The following MDGA2 variants were observed in gnomAD, a reference collection of about 807,000 sequenced individuals.
MDGA2 encodes the protein MAM domain-containing glycosylphosphatidylinositol anchor protein 2.
A neutral mutation model predicts 117.8 loss-of-function variants in MDGA2; 40 were observed. The ratio of observed to expected loss-of-function variants is 0.34; its 90% confidence interval spans 0.26 to 0.44. The LOEUF is 0.44. Among genes scored for constraint, MDGA2 ranks in the 20% least tolerant of loss-of-function variants. The pLI, the probability that MDGA2 is intolerant of heterozygous loss-of-function variation, is 1.00. For missense variants in MDGA2, 1,123 were observed against 1,250.6 expected (o/e 0.90, Z 1.54); for synonymous variants, 452 against 439.0 (o/e 1.03, Z -0.37).
chr14:47,535,190 T>C (rs1304568202), intron 1 of MDGA2, among the ~76,000 whole-genome samples: 1 of 152,196 alleles, frequency 6.6e-6, no homozygotes, highest in Admixed American at 6.5e-5. Flanking sequence ...TCCATTTATA[T>C]CACTTACACA....
chr14:47,347,835 A>G (rs1451215301), intron 1 of MDGA2, among the ~76,000 whole-genome samples: 1 of 152,184 alleles, frequency 6.6e-6, no homozygotes, highest in Non-Finnish European at 1.5e-5. Flanking sequence ...AATGACTGAC[A>G]TGAAATGACC....
At chr14:47,365,376 A>G (rs1449005197) in intron 1 of MDGA2, among the ~76,000 whole-genome samples, 1 of 152,252 alleles carries the variant, frequency 6.6e-6, no homozygotes, top group Non-Finnish European at 1.5e-5. Context: ...TCTTCCCACA[A>G]TAAATGAAGG....
At chr14:46,892,918 G>A (rs1161323204) in intron 10 of MDGA2, among the ~76,000 whole-genome samples, 1 of 151,924 alleles carries the variant, frequency 6.6e-6, no homozygotes, top group African/African-American at 2.4e-5. Flanking sequence ...TATGTAGATT[G>A]GTTCAGCCAT....
intron 3 of MDGA2, among the ~76,000 whole-genome samples, chr14:47,157,088 A>G (rs1184081550): frequency 6.6e-6 from 1 of 152,196 alleles, no homozygotes; most frequent in Non-Finnish European, 1.5e-5. Context: ...AATTCTGCAG[A>G]TATCAATTCA....
chr14:47,017,433 T>G (rs10484195), intron 8 of MDGA2, among the ~76,000 whole-genome samples: 1 of 151,876 alleles, frequency 6.6e-6, no homozygotes, highest in East Asian at 1.9e-4. Context: ...ATAAAATACA[T>G]TCCAATTCTA....
chr14:47,629,961 T>C (rs1897223266), intron 1 of MDGA2, among the ~76,000 whole-genome samples: 7 of 152,148 alleles, frequency 4.6e-5, no homozygotes, highest in Admixed American at 3.3e-4. Flanking sequence ...CAGGTGATAC[T>C]GATACTGCTG....
At chr14:47,383,217 G>T (rs1012805299) in intron 1 of MDGA2, among the ~76,000 whole-genome samples, 3 of 152,048 alleles carry the variant, frequency 2.0e-5, no homozygotes, top group South Asian at 2.1e-4. Flanking sequence ...GATGGGGGAG[G>T]GATAGCATTA....
intron 2 of MDGA2, among the ~76,000 whole-genome samples, chr14:47,280,815 T>C (rs1033600845): frequency 1.3e-5 from 2 of 151,740 alleles, no homozygotes; most frequent in African/African-American, 4.8e-5. Context: ...TTAAATAATT[T>C]ATTTTTATTT....
intron 6 of MDGA2, among the ~76,000 whole-genome samples, chr14:47,086,889 C>T (rs1390646254): frequency 6.6e-6 from 1 of 152,104 alleles, no homozygotes; most frequent in Non-Finnish European, 1.5e-5. Context: ...TTAGTTTATT[C>T]TTTTGCATGC....
rs536196759 is a variant in MDGA2 at position 47,306,885 on chromosome 14, G to C, written c.281-5335C>G. Among the ~76,000 whole-genome samples, 4 of 150,722 alleles carry C rather than the reference G, an allele frequency of 2.7e-5. No individual in the cohort carries two copies. The East Asian group carries it at 7.8e-4, about 30-fold the overall frequency. On this transcript the variant is annotated intron_variant, in intron 1 of 16. Transcript: ENST00000399232. ...AGAGAGAGAGGCAGATAGACAGATA[G>C]AGACAGACAGACAGCCTATACCTTA...
chr14:46,984,864 A>C (rs1156945678), intron 8 of MDGA2, among the ~76,000 whole-genome samples: 1 of 152,086 alleles, frequency 6.6e-6, no homozygotes, highest in Non-Finnish European at 1.5e-5. Context: ...GGCAAAACTT[A>C]AGCTTGGACC....
At chr14:47,215,879 T>C (rs1230538828) in intron 3 of MDGA2, among the ~76,000 whole-genome samples, 1 of 152,024 alleles carries the variant, frequency 6.6e-6, no homozygotes, top group African/African-American at 2.4e-5. Flanking sequence ...TGAAATAACA[T>C]AGAACGAGAT....
chr14:47,550,397 A>G (rs1817866332), intron 1 of MDGA2, among the ~76,000 whole-genome samples: 1 of 152,216 alleles, frequency 6.6e-6, no homozygotes, highest in Non-Finnish European at 1.5e-5. Flanking sequence ...AACCACTTCA[A>G]TATGTTAATA....
chr14:46,989,765 G>A (rs920086096), intron 8 of MDGA2, among the ~76,000 whole-genome samples: 1 of 152,104 alleles, frequency 6.6e-6, no homozygotes, highest in African/African-American at 2.4e-5. Flanking sequence ...AAACCAGATG[G>A]CAGAGGAGAC....
At chr14:47,505,975 AC>A (rs966897364) in intron 1 of MDGA2, among the ~76,000 whole-genome samples, 144 of 152,326 alleles carry the variant, frequency 9.5e-4, no homozygotes, top group African/African-American at 3.3e-3. Context: ...TGAATAGGAC[AC>A]AGGTCCTATT....
At chr14:47,179,401 A>AT (rs1035037696) in intron 3 of MDGA2, among the ~76,000 whole-genome samples, 1 of 151,784 alleles carries the variant, frequency 6.6e-6, no homozygotes, top group Non-Finnish European at 1.5e-5. Context: ...AAACATCCTC[A>AT]TTTTTTTCAT....
chr14:47,181,327 T>C (rs1314827285), intron 3 of MDGA2, among the ~76,000 whole-genome samples: 3 of 152,058 alleles, frequency 2.0e-5, no homozygotes, highest in African/African-American at 7.2e-5. Context: ...AGTGAGAACA[T>C]GTGGTGTTTG....
intron 2 of MDGA2, among the ~76,000 whole-genome samples, chr14:47,219,945 G>A (rs1886239035): frequency 6.6e-6 from 1 of 151,960 alleles, no homozygotes; most frequent in South Asian, 2.1e-4. Flanking sequence ...ATTTTCTTAA[G>A]TTTTATTTTA....
chr14:47,068,611 T>A (rs1594585985), intron 6 of MDGA2, among the ~76,000 whole-genome samples: 1 of 152,080 alleles, frequency 6.6e-6, no homozygotes, highest in East Asian at 1.9e-4. Flanking sequence ...GAGCTCACCT[T>A]TTCTATCAAA....
Sources: gnomAD v4.1 joint callset for allele counts (sites outside exome capture counted in the v4.1 genomes callset) on GRCh38, gnomAD v4.1.1 for gene constraint, MANE v1.5 for transcripts, NCBI Gene and HGNC (gene_info 2026-07-23, HGNC 2026-07-21) for gene names.